Variants in PTPRG observed in about 807,000 individuals in gnomAD.
PTPRG encodes receptor-type tyrosine-protein phosphatase gamma.
A neutral mutation model predicts 165.3 loss-of-function variants in PTPRG; 102 were observed. That is an observed-to-expected ratio of 0.62 (90% CI 0.53 to 0.73). PTPRG has a LOEUF of 0.73. Among genes scored for constraint, PTPRG ranks in the 30% least tolerant of loss-of-function variants. The pLI is 0.00. For missense variants in PTPRG, 1,866 were observed against 1,861.4 expected (o/e 1.00, Z -0.05); for synonymous variants, 675 against 669.5 (o/e 1.01, Z -0.13).
chr3:62,282,248 GTTGT>G lies in PTPRG; in HGVS notation c.3913-472_3913-469del, dbSNP rs1702476628. ...TTGTTTCACTAGCATGACCTACTTG[GTTGT>G]TTGTTTTGAGACAAGGTCTCACTCA... On this transcript the variant is annotated intron_variant, in intron 27 of 29. Coordinates refer to ENST00000474889, the MANE Select transcript of PTPRG (RefSeq NM_002841.4). Among the ~76,000 whole-genome samples the G allele has an allele frequency of 3.3e-5, 5 of 151,964 alleles. 1 individual carries two copies. The South Asian group carries it at 1.0e-3, about 32-fold the overall frequency.
chr3:62,242,071 A>G (rs1167621384), intron 14 of PTPRG, among the ~76,000 whole-genome samples: 1 of 152,230 alleles, frequency 6.6e-6, no homozygotes, highest in Non-Finnish European at 1.5e-5. Flanking sequence ...AGAAAACTTA[A>G]TAACTAATTT....
intron 2 of PTPRG, among the ~76,000 whole-genome samples, chr3:61,778,069 A>C (rs2034437388): frequency 6.6e-6 from 1 of 152,138 alleles, no homozygotes; most frequent in Non-Finnish European, 1.5e-5. Flanking sequence ...GCTCCACTGG[A>C]GGTTGTAACC....
chr3:61,755,393 GC>G (rs1419992441), intron 2 of PTPRG, among the ~76,000 whole-genome samples: 1 of 152,120 alleles, frequency 6.6e-6, no homozygotes, highest in Non-Finnish European at 1.5e-5. Flanking sequence ...CAGCTCAAAG[GC>G]TCCCTGTGCC....
At chr3:61,660,354 A>C (rs946896080) in intron 1 of PTPRG, among the ~76,000 whole-genome samples, 1 of 152,242 alleles carries the variant, frequency 6.6e-6, no homozygotes, top group African/African-American at 2.4e-5. Flanking sequence ...TGACTTCTAA[A>C]GGCAGTACAG....
At chr3:62,205,551 G>C (rs1424948169) in intron 12 of PTPRG, among the ~76,000 whole-genome samples, 3 of 152,136 alleles carry the variant, frequency 2.0e-5, no homozygotes, top group Non-Finnish European at 4.4e-5. Flanking sequence ...GCTCTGAGTG[G>C]TCAAGGATGA....
Position 61,989,811 on chromosome 3 carries a change from A to G in PTPRG, c.370+7A>G. ...AAAAACACAGGGAAAACAGGTAGAC[A>G]ATGGCTTCTTTATTTGTCCACAGAG... On this transcript the variant is annotated splice_region_variant and intron_variant, in intron 3 of 29. Coordinates refer to ENST00000474889, the MANE Select transcript of PTPRG (RefSeq NM_002841.4). 2 of 1,613,562 alleles carry G rather than the reference A, an allele frequency of 1.2e-6. No homozygotes were observed. The highest frequency in any genetic ancestry group is 1.7e-6 in the Non-Finnish European group (2 of 1,179,730).
rs188563028 is a variant in PTPRG, at chr3:62,003,594, C to T, written c.519+97C>T. 8 of 1,452,274 alleles carry T rather than the reference C, an allele frequency of 5.5e-6. No individual in the cohort carries two copies. In the East Asian group the frequency reaches 1.8e-4, roughly 33 times the overall value. The allele number at this position is 1,452,274 out of a possible 1,614,324, so 90.0% of individuals were successfully genotyped here. On this transcript the variant is annotated intron_variant, in intron 4 of 29. Transcript: ENST00000474889. ...CCCTCAGTCATTTTGCAAATCACAG[C>T]TGTACAGTACCTAACTTCCTCTCTC...
intron 8 of PTPRG, among the ~76,000 whole-genome samples, chr3:62,191,203 TTG>T (rs1031663855): frequency 6.7e-6 from 1 of 148,192 alleles, no homozygotes; most frequent in Admixed American, 6.7e-5. Context: ...GTATGTGCAT[TTG>T]TGTCCCGTGC....
intron 2 of PTPRG, among the ~76,000 whole-genome samples, chr3:61,781,897 T>TTG (rs1553666795): frequency 6.7e-6 from 1 of 150,274 alleles, no homozygotes; most frequent in Non-Finnish European, 1.5e-5. Flanking sequence ...CCAGTTTTTT[T>TTG]TTTTTTTTTT....
At chr3:62,141,052 A>G (rs1414454714) in intron 6 of PTPRG, among the ~76,000 whole-genome samples, 2 of 152,134 alleles carry the variant, frequency 1.3e-5, no homozygotes, top group Non-Finnish European at 2.9e-5. Context: ...TAGCTCATAT[A>G]TATTACACAT....
At chr3:62,110,639 A>G (rs958536969) in intron 5 of PTPRG, among the ~76,000 whole-genome samples, 7 of 152,166 alleles carry the variant, frequency 4.6e-5, no homozygotes, top group Non-Finnish European at 8.8e-5. Context: ...AAGGCAGCAT[A>G]CAGTCCCATT....
At chr3:61,859,134 G>A (rs1346485280) in intron 2 of PTPRG, among the ~76,000 whole-genome samples, 1 of 152,086 alleles carries the variant, frequency 6.6e-6, no homozygotes, top group Non-Finnish European at 1.5e-5. Context: ...GGAATGATGT[G>A]TCACTCCTTT....
At position 62,070,342 on chromosome 3, in the gene PTPRG, T is replaced by G. The variant is rs150716343; in HGVS notation, c.520-7821T>G. ...TAAATTCCTTCATTCTTTCAATATC[T>G]TGAGCCCTCCTTGCCACTGATTTTG... On this transcript the variant is annotated intron_variant, in intron 4 of 29. Transcript: ENST00000474889. 1.8e-3 allele frequency among the ~76,000 whole-genome samples: 280 copies of G among 152,352 alleles called. 3 individuals carry two copies. The highest frequency in any genetic ancestry group is 0.016 in the East Asian group (85 of 5,186).
At chr3:62,061,777 C>T (rs1371301445) in intron 4 of PTPRG, among the ~76,000 whole-genome samples, 5 of 100,218 alleles carry the variant, frequency 5.0e-5, no homozygotes, top group South Asian at 6.4e-4. Flanking sequence ...TATAGGCGCC[C>T]GCCACCACAC....
At chr3:61,809,345 G>T (rs2035506447) in intron 2 of PTPRG, among the ~76,000 whole-genome samples, 1 of 152,008 alleles carries the variant, frequency 6.6e-6, no homozygotes, top group African/African-American at 2.4e-5. Flanking sequence ...GATCACTGAT[G>T]GCTTTTTGCT....
intron 2 of PTPRG, among the ~76,000 whole-genome samples, chr3:61,828,569 C>T (rs2036177102): frequency 6.6e-6 from 1 of 152,194 alleles, no homozygotes; most frequent in African/African-American, 2.4e-5. Context: ...TTGTAACCAA[C>T]ATGTGTCTCA....
chr3:62,104,197 G>T (rs1702394426), intron 5 of PTPRG, among the ~76,000 whole-genome samples: 1 of 152,096 alleles, frequency 6.6e-6, no homozygotes, highest in Non-Finnish European at 1.5e-5. Context: ...AATTGCCAAT[G>T]GCAGAAGGAC....
At chr3:61,679,223 T>C (rs889082592) in intron 1 of PTPRG, among the ~76,000 whole-genome samples, 1 of 152,214 alleles carries the variant, frequency 6.6e-6, no homozygotes, top group South Asian at 2.1e-4. Flanking sequence ...TCAAACTGTT[T>C]TCAAACTAAT....
intron 1 of PTPRG, among the ~76,000 whole-genome samples, chr3:61,603,161 C>T (rs1370920529): frequency 1.3e-5 from 2 of 152,174 alleles, no homozygotes; most frequent in Non-Finnish European, 2.9e-5. Flanking sequence ...GTTTACCAAA[C>T]CACCACTGAC....
Sources: gnomAD v4.1 joint callset for allele counts (sites outside exome capture counted in the v4.1 genomes callset) on GRCh38, gnomAD v4.1.1 for gene constraint, MANE v1.5 for transcripts, NCBI Gene and HGNC (gene_info 2026-07-23, HGNC 2026-07-21) for gene names.